The following ARHGEF4 variants were observed in gnomAD, a reference collection of about 807,000 sequenced individuals.
ARHGEF4 encodes the protein APC-stimulated guanine nucleotide exchange factor 1.
ARHGEF4 carries 119 observed loss-of-function variants against 162.0 expected under a neutral mutation model. The observed-to-expected ratio is 0.73, with a 90% confidence interval of 0.63 to 0.86. ARHGEF4 has a LOEUF of 0.86. Among genes scored for constraint, ARHGEF4 ranks in the 40% least tolerant of loss-of-function variants. The pLI is 0.00. For missense variants in ARHGEF4, 2,488 were observed against 2,456.0 expected (o/e 1.01, Z -0.28); for synonymous variants, 1,014 against 979.9 (o/e 1.03, Z -0.65).
chr2:130,976,932 TGTG>T (rs1685760253), intron 4 of ARHGEF4, among the ~76,000 whole-genome samples: 1 of 151,836 alleles, frequency 6.6e-6, no homozygotes, highest in Non-Finnish European at 1.5e-5. Flanking sequence ...TGTTAGTATG[TGTG>T]GTGTGTGTGA....
intron 3 of ARHGEF4, among the ~76,000 whole-genome samples, chr2:130,942,710 ATAGAT>A (rs1174942749): frequency 2.6e-5 from 4 of 152,208 alleles, no homozygotes; most frequent in African/African-American, 9.7e-5. Context: ...TAATTTCTAA[ATAGAT>A]TAGGATTTCG....
intron 4 of ARHGEF4, among the ~76,000 whole-genome samples, chr2:130,953,189 G>A (rs1217788365): frequency 6.6e-6 from 1 of 152,146 alleles, no homozygotes; most frequent in Non-Finnish European, 1.5e-5. Flanking sequence ...AAACAGCATG[G>A]TACTGGTACC....
intron 3 of ARHGEF4, among the ~76,000 whole-genome samples, chr2:130,936,905 C>CTTTTTTTT (rs36086542): frequency 3.6e-5 from 3 of 82,322 alleles, no homozygotes; most frequent in African/African-American, 9.1e-5. Context: ...TTTCTTTTTT[C>CTTTTTTTT]TTTTTTTTTT....
chr2:131,035,607 G>C (rs1399108872), intron 5 of ARHGEF4: 26 of 972,942 alleles, frequency 2.7e-5, no homozygotes, highest in South Asian at 9.6e-5. Flanking sequence ...CGCTGGGTGA[G>C]CGACCCGCGC....
chr2:130,878,282 G>C (rs1233006946), intron 1 of ARHGEF4, among the ~76,000 whole-genome samples: 1 of 152,108 alleles, frequency 6.6e-6, no homozygotes, highest in African/African-American at 2.4e-5. Context: ...TTTGGTCCAC[G>C]AATTGTAGTT....
rs185100750 is a variant in ARHGEF4 at position 131,041,559 on chromosome 2, C to T, written c.4895+97C>T. ...CAGTGTGCTGGGCACTGCTGCAGCCCTGGGGCAACACACAGAAAACTAGCC... is the reference window on the plus strand; with the variant it reads ...CAGTGTGCTGGGCACTGCTGCAGCCTTGGGGCAACACACAGAAAACTAGCC... On this transcript the variant is annotated intron_variant, in intron 9 of 13. Transcript: ENST00000409359. 12 of 1,318,310 alleles carry T rather than the reference C, an allele frequency of 9.1e-6. No homozygotes were observed. The South Asian group carries it at 1.3e-4, about 14-fold the overall frequency. 81.7% of individuals were successfully genotyped at this position (1,318,310 alleles called of 1,614,324 possible). A position where few individuals can be genotyped will look rare whatever the true frequency, so the allele number is the denominator to read the frequency against.
intron 1 of ARHGEF4, among the ~76,000 whole-genome samples, chr2:130,878,100 AAAAGATAAT>A (rs1259389304): frequency 2.6e-5 from 4 of 152,240 alleles, no homozygotes; most frequent in Admixed American, 2.6e-4. Flanking sequence ...TACTTTCCTT[AAAAGATAAT>A]AAAGGGTTGG....
At chr2:130,837,878 T>C (rs1680314454) in intron 1 of ARHGEF4, among the ~76,000 whole-genome samples, 1 of 152,162 alleles carries the variant, frequency 6.6e-6, no homozygotes, top group African/African-American at 2.4e-5. Flanking sequence ...GAGGGCGCCC[T>C]ACTTGGCTGT....
intron 4 of ARHGEF4, among the ~76,000 whole-genome samples, chr2:131,017,758 G>T (rs931125661): frequency 3.9e-5 from 6 of 152,196 alleles, no homozygotes; most frequent in Non-Finnish European, 7.3e-5. Flanking sequence ...TCTGGGACTT[G>T]TTTAAAATAG....
In ARHGEF4 at chr2:130,971,891, T is replaced by C. The variant is rs568324657; in HGVS notation, c.3985+25256T>C. 1.9e-3 allele frequency among the ~76,000 whole-genome samples: 284 copies of C among 152,304 alleles called. 1 individual carries two copies. The highest frequency in any genetic ancestry group is 3.2e-3 in the Non-Finnish European group (217 of 68,028). On this transcript the variant is annotated intron_variant, in intron 4 of 13. Coordinates refer to ENST00000409359, the MANE Select transcript of ARHGEF4 (RefSeq NM_001367493.1). ...TGGTGAATTCTTCTCTTCTCGACGTTTCCAATATATTTTCAAGTTCCTGGG... is the reference window on the plus strand; with the variant it reads ...TGGTGAATTCTTCTCTTCTCGACGTCTCCAATATATTTTCAAGTTCCTGGG...
intron 4 of ARHGEF4, among the ~76,000 whole-genome samples, chr2:130,980,620 A>G (rs997707182): frequency 6.6e-6 from 1 of 152,206 alleles, no homozygotes; most frequent in Non-Finnish European, 1.5e-5. Flanking sequence ...CATTTCTAAG[A>G]TTGGTTTCTA....
intron 2 of ARHGEF4, among the ~76,000 whole-genome samples, chr2:130,918,684 C>A (rs1681683339): frequency 6.6e-6 from 1 of 152,148 alleles, no homozygotes; most frequent in Non-Finnish European, 1.5e-5. Context: ...CGGAGCTGGG[C>A]GAGAAGGGGT....
intron 4 of ARHGEF4, among the ~76,000 whole-genome samples, chr2:130,977,556 TG>T (rs1252034436): frequency 6.6e-6 from 1 of 152,046 alleles, no homozygotes; most frequent in Non-Finnish European, 1.5e-5. Context: ...TTCTGGGTTT[TG>T]TGTGTTGGGC....
At chr2:130,875,762 G>T (rs566005473) in intron 1 of ARHGEF4, among the ~76,000 whole-genome samples, 4 of 152,198 alleles carry the variant, frequency 2.6e-5, no homozygotes, top group East Asian at 1.9e-4. Flanking sequence ...AAGATATTCC[G>T]CAAGTGGATC....
chr2:131,013,074 C>T (rs913158597), intron 4 of ARHGEF4, among the ~76,000 whole-genome samples: 11 of 152,152 alleles, frequency 7.2e-5, no homozygotes, highest in African/African-American at 2.4e-4. Context: ...GGACTAATGA[C>T]AACTGTGACA....
At chr2:130,905,822 T>C (rs906020089) in intron 1 of ARHGEF4, among the ~76,000 whole-genome samples, 3 of 152,220 alleles carry the variant, frequency 2.0e-5, no homozygotes, top group Non-Finnish European at 4.4e-5. Context: ...CATAGGTATA[T>C]ATGTATGTAC....
intron 4 of ARHGEF4, among the ~76,000 whole-genome samples, chr2:130,965,099 T>G (rs1684918541): frequency 6.6e-6 from 1 of 152,266 alleles, no homozygotes; most frequent in African/African-American, 2.4e-5. Context: ...ACACCCACTA[T>G]GCTTCTGCAT....
chr2:130,994,299 C>G (rs1360765149), intron 4 of ARHGEF4, among the ~76,000 whole-genome samples: 1 of 152,072 alleles, frequency 6.6e-6, no homozygotes, highest in Non-Finnish European at 1.5e-5. Context: ...TCCTTTTTCA[C>G]TTTTCCTGGC....
At chr2:131,040,874 G>A (rs113423675) in intron 8 of ARHGEF4, among the ~76,000 whole-genome samples, 4,065 of 152,282 alleles carry the variant, frequency 0.027, 170 homozygotes, top group African/African-American at 0.091. Context: ...GTAGAGAAGG[G>A]CCTTGTTTTG....
Sources: allele counts gnomAD v4.1 joint callset (sites outside exome capture counted in the v4.1 genomes callset), GRCh38; gene constraint gnomAD v4.1.1; transcripts MANE v1.5; gene names NCBI Gene and HGNC (gene_info 2026-07-23, HGNC 2026-07-21).